Variants in CELF4 observed in about 807,000 individuals in gnomAD.
CELF4 encodes the protein CUGBP Elav-like family member 4.
A neutral mutation model predicts 59.9 loss-of-function variants in CELF4; 18 were observed. The ratio of observed to expected loss-of-function variants is 0.30; its 90% CI spans 0.21 to 0.45. The LOEUF (loss-of-function observed/expected upper bound fraction) is 0.45. Ranked by LOEUF, CELF4 falls within the 20% of genes least tolerant of loss-of-function variation. CELF4 has a pLI of 1.00. For missense variants in CELF4, 456 were observed against 689.0 expected, an observed-to-expected ratio of 0.66 and a Z score of 3.79; for synonymous variants, 261 against 267.1, an observed-to-expected ratio of 0.98 and a Z score of 0.22.
chr18:37,277,748 GC>G (rs1028316885), intron 3 of CELF4, among the ~76,000 whole-genome samples: 2 of 152,094 alleles, frequency 1.3e-5, no homozygotes, highest in African/African-American at 4.8e-5. Flanking sequence ...TCCAGGCACA[GC>G]CCCCAGTGTT....
chr18:37,483,426 C>G (rs746381047), intron 2 of CELF4, among the ~76,000 whole-genome samples: 10 of 152,154 alleles, frequency 6.6e-5, no homozygotes, highest in Admixed American at 1.3e-4. Context: ...ATGAGTTTCC[C>G]TGTGAAGCCT....
At chr18:37,249,346 C>T (rs2064006424) in intron 12 of CELF4, among the ~76,000 whole-genome samples, 1 of 152,174 alleles carries the variant, frequency 6.6e-6, no homozygotes, top group South Asian at 2.1e-4. Context: ...GGACTCTCCT[C>T]TTTCTCCCTC....
intron 2 of CELF4, among the ~76,000 whole-genome samples, chr18:37,425,718 TC>T (rs1375697779): frequency 1.3e-5 from 2 of 152,174 alleles, no homozygotes; most frequent in East Asian, 3.9e-4. Flanking sequence ...AGGAGCCAGC[TC>T]CCCTGGCACA....
chr18:37,262,376 G>A (rs2075201612), intron 10 of CELF4, among the ~76,000 whole-genome samples: 1 of 152,106 alleles, frequency 6.6e-6, no homozygotes, highest in Non-Finnish European at 1.5e-5. Context: ...GCCTAGACTA[G>A]GGAGCAAGGT....
At chr18:37,317,893 C>T (rs1172449588) in intron 3 of CELF4, among the ~76,000 whole-genome samples, 2 of 152,122 alleles carry the variant, frequency 1.3e-5, no homozygotes, top group South Asian at 2.1e-4. Flanking sequence ...TGGATGTGAC[C>T]GGGAATGTGT....
chr18:37,345,610 C>G (rs1469369882), intron 2 of CELF4, among the ~76,000 whole-genome samples: 2 of 151,824 alleles, frequency 1.3e-5, no homozygotes, highest in Non-Finnish European at 2.9e-5. Context: ...GAGTGGCAGC[C>G]TGGGGAATTC....
At chr18:37,517,837 T>A (rs1483385207) in intron 1 of CELF4, among the ~76,000 whole-genome samples, 1 of 152,162 alleles carries the variant, frequency 6.6e-6, no homozygotes. Flanking sequence ...CCTTCCATCC[T>A]AGGTTTAGGA....
chr18:37,282,108 G>A lies in CELF4; in HGVS notation c.449-6865C>T, dbSNP rs1474267363. Among the ~76,000 whole-genome samples, 10 of 152,284 alleles carry A rather than the reference G, an allele frequency of 6.6e-5. 1 individual carries two copies. Among genetic ancestry groups the A allele is most frequent in the Non-Finnish European group, 1.0e-4 (7 of 68,026 alleles). ...ATTAAATGAGGTTTTTAGCACGTGC[G>A]TGGCACAGAGAAAAGGCTCAATAAG... On this transcript the variant is annotated intron_variant, in intron 3 of 12. Coordinates refer to ENST00000420428, the MANE Select transcript of CELF4 (RefSeq NM_020180.4).
chr18:37,288,519 C>T (rs903779241), intron 3 of CELF4, among the ~76,000 whole-genome samples: 35 of 152,232 alleles, frequency 2.3e-4, no homozygotes, highest in African/African-American at 8.2e-4. Context: ...CACAGAAAGG[C>T]TTGGCAACCA....
rs1282302728 is a variant in CELF4, at chr18:37,442,523, G to C, written c.369+43002C>G. Among the ~76,000 whole-genome samples the C allele has an allele frequency of 2.6e-5, 4 of 152,354 alleles. No homozygotes were observed. In the South Asian group the frequency reaches 8.3e-4, roughly 32 times the overall value. Reference sequence around the variant, plus strand: ...GGCTGTCAATAGCTGAGGAAGGGAAGGTGGCTGGGGTGAGGGTCATCACAG... The same window carrying C: ...GGCTGTCAATAGCTGAGGAAGGGAACGTGGCTGGGGTGAGGGTCATCACAG... On this transcript the variant is annotated intron_variant, in intron 2 of 12. Transcript: ENST00000420428.
intron 2 of CELF4, among the ~76,000 whole-genome samples, chr18:37,381,251 G>T (rs1462786643): frequency 2.0e-5 from 3 of 152,206 alleles, no homozygotes; most frequent in South Asian, 2.1e-4. Flanking sequence ...TAGACTGCAG[G>T]AGGCCAGGTA....
intron 2 of CELF4, among the ~76,000 whole-genome samples, chr18:37,432,790 T>C (rs75810565): frequency 0.016 from 2,390 of 152,286 alleles, 30 homozygotes; most frequent in Non-Finnish European, 0.023. Context: ...CATTTACTGT[T>C]TTCTACCCTC....
At chr18:37,317,349 C>T (rs763534974) in intron 3 of CELF4, among the ~76,000 whole-genome samples, 5 of 152,150 alleles carry the variant, frequency 3.3e-5, no homozygotes, top group African/African-American at 4.8e-5. Context: ...ATCGTGCTAT[C>T]GCACTCCAGC....
chr18:37,388,018 T>C (rs2099117744), intron 2 of CELF4, among the ~76,000 whole-genome samples: 1 of 151,648 alleles, frequency 6.6e-6, no homozygotes, highest in African/African-American at 2.4e-5. Context: ...ATTGTCATTG[T>C]CCCTGCTTTA....
intron 2 of CELF4, among the ~76,000 whole-genome samples, chr18:37,426,898 C>T (rs1255086885): frequency 6.6e-6 from 1 of 151,198 alleles, no homozygotes; most frequent in African/African-American, 2.4e-5. Context: ...TTGGCTCTCC[C>T]GAAAAGCGAT....
intron 3 of CELF4, among the ~76,000 whole-genome samples, chr18:37,317,915 A>AGAT (rs1010379442): frequency 6.6e-6 from 1 of 152,140 alleles, no homozygotes; most frequent in African/African-American, 2.4e-5. Context: ...TAGAGGCCTG[A>AGAT]GATGGGGGAT....
At chr18:37,477,811 C>T (rs1161519602) in intron 2 of CELF4, among the ~76,000 whole-genome samples, 2 of 152,216 alleles carry the variant, frequency 1.3e-5, no homozygotes, top group African/African-American at 4.8e-5. Context: ...AACCAAACTT[C>T]GCAGGGGGCA....
chr18:37,264,289 A>C (rs1159365932), intron 10 of CELF4, among the ~76,000 whole-genome samples: 2 of 152,232 alleles, frequency 1.3e-5, no homozygotes, highest in Non-Finnish European at 2.9e-5. Flanking sequence ...CCAAGGAAGA[A>C]ACACAAACCC....
intron 8 of CELF4, among the ~76,000 whole-genome samples, chr18:37,268,444 A>T (rs569408057): frequency 6.6e-6 from 1 of 152,296 alleles, no homozygotes; most frequent in Admixed American, 6.5e-5. Flanking sequence ...CAGTGGCTTT[A>T]TGCAAATTAG....
Sources: gnomAD v4.1 joint callset for allele counts (sites outside exome capture counted in the v4.1 genomes callset) on GRCh38, gnomAD v4.1.1 for gene constraint, MANE v1.5 for transcripts, NCBI Gene and HGNC (gene_info 2026-07-23, HGNC 2026-07-21) for gene names.